Variants in AK5 observed in about 807,000 individuals in gnomAD.
The protein encoded by AK5 is adenylate kinase 5.
Under a neutral mutation model 69.5 loss-of-function variants are expected in AK5, and 27 were observed. The observed-to-expected ratio is 0.39, with a 90% CI of 0.29 to 0.54. The LOEUF (loss-of-function observed/expected upper bound fraction) is 0.54, where lower values mean the gene tolerates loss of function less well. Ranked by LOEUF, AK5 falls within the 20% of genes least tolerant of loss-of-function variation. AK5 has a pLI of 0.71. For missense variants in AK5, 531 were observed against 700.4 expected (o/e 0.76, Z 2.73); for synonymous variants, 260 against 244.4 (o/e 1.06, Z -0.60).
At chr1:77,297,441 C>A (rs1221998728) in intron 3 of AK5, 118 bp from the exon 4 acceptor site, 2 of 876,808 alleles carry the variant, frequency 2.3e-6, no homozygotes, top group Non-Finnish European at 3.4e-6. Flanking sequence ...ACAAATGGAA[C>A]TGTTAACCAC....
chr1:77,479,610 C>T (rs951025908), intron 8 of AK5, among the ~76,000 whole-genome samples: 9 of 152,156 alleles, frequency 5.9e-5, no homozygotes, highest in African/African-American at 2.2e-4. Context: ...ACATGTGAGT[C>T]TTAAAGGTCA....
chr1:77,459,267 T>G (rs892137998), intron 8 of AK5, among the ~76,000 whole-genome samples: 1 of 152,186 alleles, frequency 6.6e-6, no homozygotes, highest in African/African-American at 2.4e-5. Flanking sequence ...AATTTCAAAC[T>G]CCTTACATGG....
At chr1:77,496,823 C>T (rs1656341380) in intron 10 of AK5, among the ~76,000 whole-genome samples, 1 of 152,142 alleles carries the variant, frequency 6.6e-6, no homozygotes, top group African/African-American at 2.4e-5. Context: ...CACCAATCGG[C>T]ATTCTGTAAA....
At position 77,287,119 on chromosome 1, in the gene AK5, T is replaced by C. The variant is rs1225546000; in HGVS notation, c.239T>C (p.Leu80Pro). Reference protein sequence around the residue: ...LNGGQSRRSFLRNVMPENSNF... With the variant: ...LNGGQSRRSFPRNVMPENSNF... ...GGAGGACAGTCACGGAGATCCTTTC[T>C]AAGAAATGGTAATGTATATGGAGAA... Residue 80 changes from leucine to proline, a missense_variant, in exon 2 of 14, where the codon CTA becomes CCA. Coordinates refer to ENST00000354567, the MANE Select transcript of AK5 (RefSeq NM_174858.3). The C allele has an allele frequency of 1.3e-6, 2 of 1,552,692 alleles. No homozygotes were observed. Among genetic ancestry groups the C allele is most frequent in the African/African-American group, 1.4e-5 (1 of 72,040 alleles).
chr1:77,441,486 C>T (rs556751871), intron 8 of AK5, among the ~76,000 whole-genome samples: 19 of 152,158 alleles, frequency 1.2e-4, no homozygotes, highest in Non-Finnish European at 2.4e-4. Flanking sequence ...CTGGTGTGCT[C>T]GTTGGGAAAG....
At position 77,282,358 on chromosome 1, in the gene AK5, C is replaced by T; in HGVS notation, c.45C>T (p.Ile15=). 1 of 1,555,932 alleles carries T rather than the reference C, an allele frequency of 6.4e-7. No homozygotes were observed. The highest frequency in any genetic ancestry group is 8.7e-7 in the Non-Finnish European group (1 of 1,150,100). The change falls in exon 1 of 14, where the codon ATC becomes ATT. Residue 15 remains isoleucine, a synonymous_variant. Coordinates refer to ENST00000354567, the MANE Select transcript of AK5 (RefSeq NM_174858.3). ...AGGAGTATCTGGCCCGGAGGGAAATCCCTCAGCTTTTTGAGGTAGGGCTAG... is the reference window on the plus strand; with the variant it reads ...AGGAGTATCTGGCCCGGAGGGAAATTCCTCAGCTTTTTGAGGTAGGGCTAG... ...DAKEYLARRE[I]PQLFESLLNG...
intron 1 of AK5, 99 bp downstream of exon 1, chr1:77,282,472 G>A: frequency 6.9e-7 from 1 of 1,444,838 alleles, no homozygotes; most frequent in South Asian, 1.5e-5. Flanking sequence ...CCCCACACGG[G>A]GCATGTAATG....
chr1:77,463,700 T>C (rs1176977708), intron 8 of AK5, among the ~76,000 whole-genome samples: 3 of 152,178 alleles, frequency 2.0e-5, no homozygotes, highest in African/African-American at 7.2e-5. Flanking sequence ...TTCCCTCCGT[T>C]GTGTGTCTGT....
At chr1:77,421,395 G>A (rs1354966981) in intron 8 of AK5, among the ~76,000 whole-genome samples, 1 of 152,170 alleles carries the variant, frequency 6.6e-6, no homozygotes, top group East Asian at 1.9e-4. Flanking sequence ...TGTGACTCCA[G>A]AGCCAGGCGC....
At chr1:77,317,182 T>C (rs771818021) in intron 5 of AK5, among the ~76,000 whole-genome samples, 1 of 152,156 alleles carries the variant, frequency 6.6e-6, no homozygotes, top group Non-Finnish European at 1.5e-5. Context: ...TGTTGAGTGC[T>C]GGAACAGCTG....
intron 10 of AK5, among the ~76,000 whole-genome samples, chr1:77,514,910 G>A (rs1657552628): frequency 6.6e-6 from 1 of 152,168 alleles, no homozygotes; most frequent in Non-Finnish European, 1.5e-5. Flanking sequence ...AGCATTTCCA[G>A]GTAAATCCAG....
chr1:77,537,931 C>T lies in AK5; in HGVS notation c.1620+1893C>T, dbSNP rs549334209. 7.1e-4 allele frequency among the ~76,000 whole-genome samples: 108 copies of T among 152,322 alleles called. 1 individual carries two copies. Among genetic ancestry groups the T allele is most frequent in the African/African-American group, 2.4e-3 (99 of 41,556 alleles). On this transcript the variant is annotated intron_variant, in intron 13 of 13. Transcript: ENST00000354567. ...TGTGGCCTGAGAATGTTTGTCAACA[C>T]AGCACTCCAGGCAGCTACTGCCAAT...
intron 10 of AK5, among the ~76,000 whole-genome samples, chr1:77,492,184 C>A (rs1216421903): frequency 6.6e-6 from 1 of 152,110 alleles, no homozygotes; most frequent in East Asian, 1.9e-4. Flanking sequence ...CCCATTTTGT[C>A]ACACAAAATA....
At position 77,282,212 on chromosome 1, in the gene AK5, C is replaced by A; in HGVS notation, c.-102C>A. On this transcript the variant is annotated 5_prime_UTR_variant, in exon 1 of 14. It adds an upstream start codon to the 5' untranslated region. Coordinates refer to ENST00000354567, the MANE Select transcript of AK5 (RefSeq NM_174858.3). ...GCGCGTGAGAAAGAGGGCTGCACCG[C>A]TGCTCGGCGCGGACTCTGCCAGCCC... The A allele has an allele frequency of 8.8e-7, 1 of 1,134,770 alleles. No homozygotes were observed. The highest frequency in any genetic ancestry group is 1.2e-6 in the Non-Finnish European group (1 of 804,566). 70.3% of individuals were successfully genotyped at this position (1,134,770 alleles called of 1,614,324 possible).
intron 10 of AK5, among the ~76,000 whole-genome samples, chr1:77,491,432 G>A (rs890188060): frequency 6.7e-6 from 1 of 148,354 alleles, no homozygotes; most frequent in South Asian, 2.1e-4. Context: ...TCAGCCTCCC[G>A]AGTAGCTGGG....
At chr1:77,283,943 T>C (rs1658208623) in intron 1 of AK5, among the ~76,000 whole-genome samples, 1 of 152,228 alleles carries the variant, frequency 6.6e-6, no homozygotes, top group Non-Finnish European at 1.5e-5. Flanking sequence ...GGGTACTGTT[T>C]TTCCTCCTTG....
At chr1:77,533,509 CAAAAAAAAA>C (rs10526328) in intron 12 of AK5, among the ~76,000 whole-genome samples, 33 of 94,916 alleles carry the variant, frequency 3.5e-4, no homozygotes, top group Middle Eastern at 5.0e-3. Flanking sequence ...ACTCTGTCAC[CAAAAAAAAA>C]AAAAAAAAAA....
rs531889868 is a variant in AK5 at position 77,383,915 on chromosome 1, A to T, written c.892-27066A>T. On this transcript the variant is annotated intron_variant, in intron 6 of 13. Coordinates refer to ENST00000354567, the MANE Select transcript of AK5 (RefSeq NM_174858.3). ...AATATAATTGCTCCAGTTATTAAGG[A>T]AAATGTATTTCCCTTCACTATTGAG... 3.3e-5 allele frequency among the ~76,000 whole-genome samples: 5 copies of T among 151,862 alleles called. No homozygotes were observed. The South Asian group carries it at 1.0e-3, about 32-fold the overall frequency.
intron 6 of AK5, among the ~76,000 whole-genome samples, chr1:77,376,448 AAAC>A (rs571736319): frequency 0.27 from 7,893 of 29,782 alleles, 1,038 homozygotes; most frequent in Non-Finnish European, 0.28. Context: ...AAAAAAAAAA[AAAC>A]AAAAAAAAAA....
Sources: allele counts gnomAD v4.1 joint callset (sites outside exome capture counted in the v4.1 genomes callset), GRCh38; gene constraint gnomAD v4.1.1; transcripts MANE v1.5; gene names NCBI Gene and HGNC (gene_info 2026-07-23, HGNC 2026-07-21).